Variants in SEMA3A observed in about 807,000 individuals in gnomAD.
The protein encoded by SEMA3A is semaphorin-3A.
In SEMA3A, 29 loss-of-function variants were observed where a neutral mutation model predicts 97.9. The ratio of observed to expected loss-of-function variants is 0.30; its 90% CI spans 0.22 to 0.40. SEMA3A has a LOEUF of 0.40. Ranked by LOEUF, SEMA3A falls within the 10% of genes least tolerant of loss-of-function variation. SEMA3A has a pLI of 1.00. For synonymous variants in SEMA3A, 321 were observed against 323.7 expected (o/e 0.99, Z 0.09); for missense variants, 763 against 951.3 (o/e 0.80, Z 2.60).
intron 1 of SEMA3A, among the ~76,000 whole-genome samples, chr7:84,147,573 CAG>C (rs1430276655): frequency 2.6e-5 from 4 of 152,130 alleles, no homozygotes; most frequent in Non-Finnish European, 5.9e-5. Context: ...GTAAGCAGAT[CAG>C]AGAGACAGGC....
At chr7:84,180,250 T>C (rs1797701336) in intron 1 of SEMA3A, among the ~76,000 whole-genome samples, 1 of 151,722 alleles carries the variant, frequency 6.6e-6, no homozygotes, top group African/African-American at 2.4e-5. Context: ...CCGGCCTGCT[T>C]AGCTGTTCTA....
At chr7:84,112,714 A>T (rs1795309969) in intron 3 of SEMA3A, among the ~76,000 whole-genome samples, 1 of 152,202 alleles carries the variant, frequency 6.6e-6, no homozygotes, top group Non-Finnish European at 1.5e-5. Flanking sequence ...ATTGTAATTA[A>T]TGACTGAAAA....
intron 1 of SEMA3A, among the ~76,000 whole-genome samples, chr7:84,411,886 A>G (rs1399333639): frequency 6.6e-6 from 1 of 152,144 alleles, no homozygotes; most frequent in Non-Finnish European, 1.5e-5. Flanking sequence ...TCCTGGTAAT[A>G]AAGTAGATTC....
Position 84,051,430 on chromosome 7 carries a change from C to T in SEMA3A, c.548-4987G>A, listed in dbSNP as rs937109629. On this transcript the variant is annotated intron_variant, in intron 5 of 16. Coordinates refer to ENST00000265362, the MANE Select transcript of SEMA3A (RefSeq NM_006080.3). ...CTCCTTAAAGAGGTCCTTCACATCC[C>T]TTGTAAGTTGGATTCCTAGGTATTT... 4.1e-3 allele frequency among the ~76,000 whole-genome samples: 628 copies of T among 152,110 alleles called. 4 individuals are homozygous for T. The highest frequency in any genetic ancestry group is 0.014 in the African/African-American group (595 of 41,514).
chr7:83,990,040 G>A (rs1789832438), intron 12 of SEMA3A, among the ~76,000 whole-genome samples: 1 of 151,902 alleles, frequency 6.6e-6, no homozygotes, highest in African/African-American at 2.4e-5. Context: ...TCTCATTGTG[G>A]TTTTGATTTG....
At chr7:84,353,676 A>G (rs905569971) in intron 2 of SEMA3A, among the ~76,000 whole-genome samples, 1 of 151,806 alleles carries the variant, frequency 6.6e-6, no homozygotes, top group African/African-American at 2.4e-5. Context: ...GTCATATTAA[A>G]ATAGGCACAG....
intron 6 of SEMA3A, among the ~76,000 whole-genome samples, chr7:84,035,218 T>A (rs1253963116): frequency 6.6e-6 from 1 of 152,032 alleles, no homozygotes; most frequent in Non-Finnish European, 1.5e-5. Flanking sequence ...CTGAGACCAA[T>A]GAAAATGCTT....
intron 1 of SEMA3A, among the ~76,000 whole-genome samples, chr7:84,462,806 TATAG>T (rs1437403150): frequency 1.3e-5 from 2 of 151,942 alleles, no homozygotes; most frequent in Admixed American, 6.6e-5. Flanking sequence ...TAGCTATAGC[TATAG>T]ATAGATAGAC....
intron 1 of SEMA3A, among the ~76,000 whole-genome samples, chr7:84,400,900 C>A (rs1803882750): frequency 6.6e-6 from 1 of 152,096 alleles, no homozygotes; most frequent in Non-Finnish European, 1.5e-5. Flanking sequence ...TGTGAAAAAC[C>A]CATGGCTAGC....
chr7:83,985,619 C>T, intron 12 of SEMA3A, 142 bp from the exon 13 acceptor site: 1 of 683,412 alleles, frequency 1.5e-6, no homozygotes, highest in African/African-American at 1.8e-5. Flanking sequence ...AAATAAGACA[C>T]ATAAAGAAAC....
At chr7:84,046,287 C>T (rs775915732) in intron 6 of SEMA3A, 37 bp downstream of exon 6, 87 of 1,607,282 alleles carry the variant, frequency 5.4e-5, no homozygotes, top group Non-Finnish European at 2.5e-5. Flanking sequence ...TACAGTTACA[C>T]ATGTTACATG....
At chr7:84,268,248 C>CGT (rs1562879382) in intron 3 of SEMA3A, among the ~76,000 whole-genome samples, 4 of 106,690 alleles carry the variant, frequency 3.7e-5, no homozygotes, top group South Asian at 3.5e-4. Flanking sequence ...GAGACATAAG[C>CGT]ATGTGTGTGT....
chr7:84,381,640 T>G (rs908890921), intron 1 of SEMA3A, among the ~76,000 whole-genome samples: 1 of 152,178 alleles, frequency 6.6e-6, no homozygotes, highest in African/African-American at 2.4e-5. Flanking sequence ...GATCTTCTAT[T>G]TGGTCTACAT....
At chr7:84,015,797 C>G (rs543622889) in intron 6 of SEMA3A, among the ~76,000 whole-genome samples, 1 of 152,226 alleles carries the variant, frequency 6.6e-6, no homozygotes, top group South Asian at 2.1e-4. Context: ...ACCATGCATT[C>G]AAGTATATTT....
chr7:84,239,730 G>A (rs1799315966), intron 3 of SEMA3A, among the ~76,000 whole-genome samples: 1 of 152,040 alleles, frequency 6.6e-6, no homozygotes, highest in Non-Finnish European at 1.5e-5. Flanking sequence ...AGGACTTAAA[G>A]CTAAACCACA....
rs927748994 is a variant in SEMA3A, at chr7:84,049,845, C to A, written c.548-3402G>T. Among the ~76,000 whole-genome samples, 6 of 144,230 alleles carry A rather than the reference C, an allele frequency of 4.2e-5. No individual in the cohort carries two copies. The East Asian group carries it at 1.3e-3, about 30-fold the overall frequency. The allele number at this position is 144,230 out of a possible 152,430, so 94.6% of individuals were successfully genotyped here. On this transcript the variant is annotated intron_variant, in intron 5 of 16. Transcript: ENST00000265362. ...CATCATCTAGCATTAGGTATATCTC[C>A]CAATGCTATCCCTCCCCCCTCCCCC...
intron 4 of SEMA3A, among the ~76,000 whole-genome samples, chr7:84,064,581 C>G (rs1379476535): frequency 2.0e-5 from 3 of 151,510 alleles, no homozygotes; most frequent in Admixed American, 6.6e-5. Context: ...GAAGATCTAC[C>G]AAGCAAATGG....
At chr7:84,403,324 T>C (rs993096380) in intron 1 of SEMA3A, among the ~76,000 whole-genome samples, 4 of 152,124 alleles carry the variant, frequency 2.6e-5, no homozygotes, top group Non-Finnish European at 4.4e-5. Flanking sequence ...GAGATCAAAC[T>C]GCAAGGTGGC....
At chr7:84,153,093 A>AAATCAG (rs1796729511) in intron 1 of SEMA3A, among the ~76,000 whole-genome samples, 1 of 152,178 alleles carries the variant, frequency 6.6e-6, no homozygotes, top group Non-Finnish European at 1.5e-5. Context: ...CTCATTTAGT[A>AAATCAG]AATCAGAATC....
Sources: allele counts gnomAD v4.1 joint callset (sites outside exome capture counted in the v4.1 genomes callset), GRCh38; gene constraint gnomAD v4.1.1; transcripts MANE v1.5; gene names NCBI Gene and HGNC (gene_info 2026-07-23, HGNC 2026-07-21).